The following TMEM132D variants were observed in gnomAD, a reference collection of about 807,000 sequenced individuals.
TMEM132D encodes the protein transmembrane protein 132D.
TMEM132D carries 21 observed loss-of-function variants against 62.3 expected under a neutral mutation model. The observed-to-expected ratio is 0.34, with a 90% confidence interval of 0.24 to 0.49. The LOEUF is 0.49. Ranked by LOEUF, TMEM132D falls within the 20% of genes least tolerant of loss-of-function variation. The pLI, the probability that TMEM132D is intolerant of heterozygous loss-of-function variation, is 0.99. For missense variants in TMEM132D, 1,346 were observed against 1,402.8 expected (o/e 0.96, Z 0.65); for synonymous variants, 621 against 575.6 (o/e 1.08, Z -1.13).
intron 1 of TMEM132D, among the ~76,000 whole-genome samples, chr12:129,868,959 A>G (rs1421718275): frequency 6.6e-6 from 1 of 152,028 alleles, no homozygotes; most frequent in Non-Finnish European, 1.5e-5. Flanking sequence ...ACCTCCAAGA[A>G]TCTGAACTCT....
intron 1 of TMEM132D, among the ~76,000 whole-genome samples, chr12:129,831,166 G>A (rs905579345): frequency 1.3e-5 from 2 of 152,162 alleles, no homozygotes; most frequent in Admixed American, 6.6e-5. Context: ...GCCAGGAACT[G>A]GGACCCAGCC....
chr12:129,475,088 A>G (rs1185290661), intron 3 of TMEM132D, among the ~76,000 whole-genome samples: 1 of 152,236 alleles, frequency 6.6e-6, no homozygotes, highest in Non-Finnish European at 1.5e-5. Context: ...CAAAAACTCT[A>G]TGTATTACTA....
intron 1 of TMEM132D, among the ~76,000 whole-genome samples, chr12:129,832,016 C>A (rs1872853991): frequency 6.8e-6 from 1 of 147,942 alleles, no homozygotes; most frequent in Admixed American, 6.8e-5. Context: ...ACGACAGGCA[C>A]CTGCCACCAT....
intron 4 of TMEM132D, among the ~76,000 whole-genome samples, chr12:129,331,230 G>A (rs1869092401): frequency 6.6e-6 from 1 of 152,190 alleles, no homozygotes; most frequent in Admixed American, 6.5e-5. Flanking sequence ...AAAGAGCAAT[G>A]GCACATTTGA....
intron 1 of TMEM132D, among the ~76,000 whole-genome samples, chr12:129,782,107 C>G (rs928982135): frequency 2.6e-5 from 4 of 152,156 alleles, no homozygotes; most frequent in Non-Finnish European, 5.9e-5. Flanking sequence ...ATCCCTTACC[C>G]GAAATGCCTG....
chr12:129,441,627 C>G (rs1293825491), intron 3 of TMEM132D, among the ~76,000 whole-genome samples: 1 of 152,088 alleles, frequency 6.6e-6, no homozygotes, highest in Non-Finnish European at 1.5e-5. Context: ...TCCAGCAATC[C>G]CACTACTGGG....
At chr12:129,564,755 C>T (rs554419306) in intron 2 of TMEM132D, among the ~76,000 whole-genome samples, 1 of 152,300 alleles carries the variant, frequency 6.6e-6, no homozygotes, top group African/African-American at 2.4e-5. Flanking sequence ...ACTATTTTCA[C>T]AGTGAAACCA....
intron 4 of TMEM132D, among the ~76,000 whole-genome samples, chr12:129,217,723 A>AT (rs35386156): frequency 0.41 from 61,625 of 151,996 alleles, 13,773 homozygotes; most frequent in East Asian, 0.85. Context: ...AAAAGGTAGC[A>AT]TTTTTTACAG....
chr12:129,448,001 G>A (rs966254990), intron 3 of TMEM132D, among the ~76,000 whole-genome samples: 1 of 152,190 alleles, frequency 6.6e-6, no homozygotes, highest in Non-Finnish European at 1.5e-5. Context: ...CATGAAATGA[G>A]ATCGTCTGTG....
chr12:129,568,098 A>G (rs561315476), intron 2 of TMEM132D, among the ~76,000 whole-genome samples: 1 of 152,212 alleles, frequency 6.6e-6, no homozygotes, highest in African/African-American at 2.4e-5. Context: ...CTAAGTGGGG[A>G]GATGGAAACT....
At chr12:129,629,617 C>T (rs1449982756) in intron 2 of TMEM132D, among the ~76,000 whole-genome samples, 1 of 151,836 alleles carries the variant, frequency 6.6e-6, no homozygotes, top group African/African-American at 2.4e-5. Context: ...TTACTTTATT[C>T]GTGGTGTTGC....
At chr12:129,774,411 CTG>C (rs1420318406) in intron 1 of TMEM132D, among the ~76,000 whole-genome samples, 2 of 152,312 alleles carry the variant, frequency 1.3e-5, no homozygotes, top group East Asian at 3.9e-4. Flanking sequence ...GGTTTCAACT[CTG>C]TGTTTGCCAG....
At chr12:129,605,620 T>TACAC (rs1260473603) in intron 2 of TMEM132D, among the ~76,000 whole-genome samples, 1 of 111,352 alleles carries the variant, frequency 9.0e-6, no homozygotes. Context: ...CACATATATA[T>TACAC]ATACACACAC....
At chr12:129,855,065 G>A (rs897250142) in intron 1 of TMEM132D, 1 of 152,712 alleles carries the variant, frequency 6.5e-6, no homozygotes, top group South Asian at 2.0e-4. Flanking sequence ...TCAGGGAACA[G>A]AGTCCGGGGA....
At chr12:129,548,775 C>G (rs1566106283) in intron 2 of TMEM132D, among the ~76,000 whole-genome samples, 1 of 152,190 alleles carries the variant, frequency 6.6e-6, no homozygotes, top group Non-Finnish European at 1.5e-5. Context: ...ATGTGTTGGA[C>G]TGGCCAAGAA....
At chr12:129,511,076 T>C (rs988718863) in intron 3 of TMEM132D, among the ~76,000 whole-genome samples, 7 of 152,196 alleles carry the variant, frequency 4.6e-5, no homozygotes, top group African/African-American at 1.7e-4. Flanking sequence ...TTTAAGCATA[T>C]AGTTGGCCGA....
At chr12:129,165,495 A>G (rs1439077531) in intron 5 of TMEM132D, among the ~76,000 whole-genome samples, 1 of 152,216 alleles carries the variant, frequency 6.6e-6, no homozygotes, top group South Asian at 2.1e-4. Flanking sequence ...TTTAGGGATG[A>G]ATAGATAGGT....
intron 1 of TMEM132D, among the ~76,000 whole-genome samples, chr12:129,748,053 G>A (rs1869874038): frequency 6.6e-6 from 1 of 152,166 alleles, no homozygotes; most frequent in African/African-American, 2.4e-5. Context: ...TTGCAACAGG[G>A]CTTGGTGCAT....
chr12:129,211,186 A>T (rs1413491917), intron 4 of TMEM132D: 4 of 152,248 alleles, frequency 2.6e-5, no homozygotes, highest in Admixed American at 2.6e-4. Flanking sequence ...GTTTCAGCTC[A>T]TTACATTCCA....
Sources: allele counts gnomAD v4.1 joint callset (sites outside exome capture counted in the v4.1 genomes callset), GRCh38; gene constraint gnomAD v4.1.1; transcripts MANE v1.5; gene names NCBI Gene and HGNC (gene_info 2026-07-23, HGNC 2026-07-21).